The following ZNF710 variants were observed in gnomAD, a reference collection of about 807,000 sequenced individuals.
ZNF710 encodes zinc finger protein 710.
In ZNF710, 13 loss-of-function variants were observed where a neutral mutation model predicts 50.6. That is an observed-to-expected ratio of 0.26 (90% CI 0.17 to 0.41). ZNF710 has a LOEUF of 0.41. Among genes scored for constraint, ZNF710 ranks in the 10% least tolerant of loss-of-function variants. The probability of loss-of-function intolerance (pLI) is 1.00; values close to 1 mark genes in which losing one functional copy is unlikely to be tolerated. For missense variants in ZNF710, 721 were observed against 936.6 expected, an observed-to-expected ratio of 0.77 and a Z score of 3.01; for synonymous variants, 383 against 397.0, an observed-to-expected ratio of 0.96 and a Z score of 0.42.
At position 90,059,648 on chromosome 15, in the gene ZNF710, G is replaced by A. The variant is rs1030282358; in HGVS notation, c.-28-7462G>A. On this transcript the variant is annotated intron_variant, in intron 1 of 4. Transcript: ENST00000268154. The surrounding 1 kb of genome is among the most constrained non-coding windows in gnomAD (Gnocchi z 4.1). ...TCCCCTGCCCCTCCCCCGTGCCGGC[G>A]GCAGCTCCCTGGGCCTCTGGCTCCT... 4.6e-5 allele frequency among the ~76,000 whole-genome samples: 7 copies of A among 152,004 alleles called. No homozygotes were observed. In the South Asian group the frequency reaches 6.2e-4, roughly 14 times the overall value.
At chr15:90,047,384 G>T (rs528253534) in intron 1 of ZNF710, among the ~76,000 whole-genome samples, 9 of 152,298 alleles carry the variant, frequency 5.9e-5, no homozygotes, top group Admixed American at 5.2e-4. Flanking sequence ...CTTTAGTAAG[G>T]AGAAAGAGTC....
In ZNF710 at chr15:90,068,747, T is replaced by TC; in HGVS notation, c.1458+152_1458+153insC. ...GATGAGTATTAGAAATCAATTAGTA[T>TC]TAGAAACTAATTGAAATTAGTTTTT... On this transcript the variant is annotated intron_variant, in intron 2 of 4. Coordinates refer to ENST00000268154, the MANE Select transcript of ZNF710 (RefSeq NM_198526.4). This position sits in a 1 kb window ranked among gnomAD's most constrained non-coding sequence, Gnocchi z 5.0. The TC allele has an allele frequency of 3.2e-6, 3 of 923,108 alleles. No individual in the cohort carries two copies. Among genetic ancestry groups the TC allele is most frequent in the Non-Finnish European group, 4.7e-6 (3 of 633,806 alleles). 57.2% of individuals were successfully genotyped at this position (923,108 alleles called of 1,614,324 possible).
intron 1 of ZNF710, among the ~76,000 whole-genome samples, chr15:90,052,511 G>A (rs1899676743): frequency 1.3e-5 from 2 of 152,246 alleles, no homozygotes; most frequent in South Asian, 2.1e-4. Context: ...AAGAAGAGGA[G>A]TAAATGGGGA....
intron 1 of ZNF710, among the ~76,000 whole-genome samples, chr15:90,061,352 T>G (rs1005253134): frequency 6.6e-6 from 1 of 150,704 alleles, no homozygotes; most frequent in Admixed American, 6.6e-5. Context: ...CATTTTTTTT[T>G]GCAGAGATGA....
chr15:90,042,495 A>G (rs1899328161), intron 1 of ZNF710, among the ~76,000 whole-genome samples: 1 of 151,640 alleles, frequency 6.6e-6, no homozygotes, highest in Non-Finnish European at 1.5e-5. Context: ...AGACTCGCTC[A>G]ATCAATCAAT....
At chr15:90,020,632 T>G (rs1015772312) in intron 1 of ZNF710, among the ~76,000 whole-genome samples, 2 of 152,260 alleles carry the variant, frequency 1.3e-5, no homozygotes, top group African/African-American at 4.8e-5. Context: ...AGGCGCAGTT[T>G]GGGAGAAGGA....
chr15:90,048,941 C>G (rs146805756), intron 1 of ZNF710, among the ~76,000 whole-genome samples: 1 of 152,282 alleles, frequency 6.6e-6, no homozygotes, highest in East Asian at 1.9e-4. Flanking sequence ...TCCGTGGGAC[C>G]GGGTCCATTC....
At chr15:90,054,889 C>T (rs1899762209) in intron 1 of ZNF710, among the ~76,000 whole-genome samples, 1 of 152,160 alleles carries the variant, frequency 6.6e-6, no homozygotes, top group Admixed American at 6.5e-5. Flanking sequence ...GGCCATAAAG[C>T]TCAGGGAAAA....
chr15:90,064,597 C>G (rs1020775977), intron 1 of ZNF710, among the ~76,000 whole-genome samples: 1 of 152,306 alleles, frequency 6.6e-6, no homozygotes, highest in Middle Eastern at 3.4e-3. Context: ...AAGTGATTCT[C>G]CTGCCTCAGA....
intron 1 of ZNF710, among the ~76,000 whole-genome samples, chr15:90,063,837 G>C (rs1900085634): frequency 6.6e-6 from 1 of 152,160 alleles, no homozygotes; most frequent in African/African-American, 2.4e-5. Flanking sequence ...GCGGGAGGGG[G>C]CTGATTCCTG....
upstream of ZNF710, among the ~76,000 whole-genome samples, chr15:90,001,055 A>ATTC (rs1263246632): frequency 3.3e-5 from 5 of 152,274 alleles, no homozygotes; most frequent in Non-Finnish European, 5.9e-5. Flanking sequence ...TTCAAACGAA[A>ATTC]CTCCCACAGC....
chr15:90,064,775 A>T (rs1900116001), intron 1 of ZNF710, among the ~76,000 whole-genome samples: 1 of 152,234 alleles, frequency 6.6e-6, no homozygotes, highest in South Asian at 2.1e-4. Context: ...GGTGTGAGCC[A>T]CCATGCCCCT....
intron 1 of ZNF710, among the ~76,000 whole-genome samples, chr15:90,017,995 T>C (rs950490432): frequency 6.6e-6 from 1 of 151,948 alleles, no homozygotes; most frequent in African/African-American, 2.4e-5. Flanking sequence ...TCACTCACAG[T>C]GTGCTGTGAG....
At chr15:90,004,203 G>A (rs1282587714) in intron 1 of ZNF710, among the ~76,000 whole-genome samples, 1 of 152,192 alleles carries the variant, frequency 6.6e-6, no homozygotes, top group Non-Finnish European at 1.5e-5. Flanking sequence ...TGGTTTTTGA[G>A]TTGGAGGAAG....
At position 90,068,016 on chromosome 15, in the gene ZNF710, G is replaced by A. The variant is rs773016303; in HGVS notation, c.879G>A (p.Lys293=). ...TGGTGGAGGCGGGCGACCGCCAGAA[G>A]CGCTGGCAGTGCCGCATGTGCGAGA... is the stretch of plus-strand genomic sequence containing the variant. ...SYLVEAGDRQ[K]RWQCRMCEKS... Residue 293 remains lysine, a synonymous_variant, in exon 2 of 5, where the codon AAG becomes AAA. Coordinates refer to ENST00000268154, the MANE Select transcript of ZNF710 (RefSeq NM_198526.4). The surrounding 1 kb of genome is among the most constrained non-coding windows in gnomAD (Gnocchi z 5.0). 6.2e-7 allele frequency: 1 copy of A among 1,614,210 alleles called. No homozygotes were observed. The highest frequency in any genetic ancestry group is 8.5e-7 in the Non-Finnish European group (1 of 1,180,046).
At chr15:90,061,463 C>G (rs60676646) in intron 1 of ZNF710, among the ~76,000 whole-genome samples, 20,105 of 152,156 alleles carry the variant, frequency 0.13, 3,895 homozygotes, top group African/African-American at 0.42. Flanking sequence ...TGAGCCTCCG[C>G]GCCCGCCCTT....
In ZNF710 at chr15:90,079,678, C is replaced by A; in HGVS notation, c.1844C>A (p.Thr615Lys). The change falls in exon 5 of 5, where the codon ACA becomes AAA. Residue 615 changes from threonine to lysine, a missense_variant. Physicochemically the swap from Thr to Lys is moderately conservative, Grantham distance 78. Around this residue, in one of 3 missense-constraint regions of ZNF710, gnomAD observed 69 missense variants for 67.6 expected, o/e 1.02. Coordinates refer to ENST00000268154, the MANE Select transcript of ZNF710 (RefSeq NM_198526.4). ...CTTACAGACCCCATGATGGAGCTGA[C>A]AGGCACTGACCCTTCAGAGCTCGAC... The part of the protein sequence containing the change: ...LDSQDPMMEL[T>K]GTDPSELDGQ... The A allele has an allele frequency of 6.2e-7, 1 of 1,613,712 alleles. No individual in the cohort carries two copies. The highest frequency in any genetic ancestry group is 8.5e-7 in the Non-Finnish European group (1 of 1,179,850).
At chr15:90,033,590 C>G (rs1899012291) in intron 1 of ZNF710, among the ~76,000 whole-genome samples, 2 of 152,168 alleles carry the variant, frequency 1.3e-5, no homozygotes, top group South Asian at 2.1e-4. Flanking sequence ...CTCTGTTGCC[C>G]AGGCTGGAGT....
upstream of ZNF710, among the ~76,000 whole-genome samples, chr15:89,998,737 T>C (rs993173547): frequency 6.6e-6 from 1 of 152,180 alleles, no homozygotes; most frequent in Non-Finnish European, 1.5e-5. Flanking sequence ...GTGAAGCAGG[T>C]ATTTTTATCC....
Sources: gnomAD v4.1 joint callset for allele counts (sites outside exome capture counted in the v4.1 genomes callset) on GRCh38, gnomAD v4.1.1 for gene constraint, gnomAD v4.1.1 regional missense constraint, Gnocchi (gnomAD v3.1) non-coding constraint, MANE v1.5 for transcripts, NCBI Gene and HGNC (gene_info 2026-07-23, HGNC 2026-07-21) for gene names.